The following CALCRL variants were observed in gnomAD, a reference collection of about 807,000 sequenced individuals.
The protein encoded by CALCRL is calcitonin receptor like receptor, also known as calcitonin gene-related peptide type 1 receptor.
A neutral mutation model predicts 60.4 loss-of-function variants in CALCRL; 27 were observed. The ratio of observed to expected loss-of-function variants is 0.45; its 90% CI spans 0.33 to 0.62. CALCRL has a LOEUF of 0.62. Among genes scored for constraint, CALCRL ranks in the 20% least tolerant of loss-of-function variants. CALCRL has a pLI of 0.03. For synonymous variants in CALCRL, 190 were observed against 182.6 expected (o/e 1.04, Z -0.33); for missense variants, 424 against 540.7 (o/e 0.78, Z 2.14).
intron 1 of CALCRL, among the ~76,000 whole-genome samples, chr2:187,425,178 A>G (rs926115382): frequency 4.6e-5 from 7 of 151,920 alleles, no homozygotes; most frequent in Non-Finnish European, 8.8e-5. Context: ...TCAAAGGTCA[A>G]TTCATTTTGG....
intron 1 of CALCRL, among the ~76,000 whole-genome samples, chr2:187,444,342 A>G (rs940391649): frequency 4.6e-5 from 7 of 151,568 alleles, no homozygotes; most frequent in Non-Finnish European, 1.0e-4. Context: ...CCAATACCAT[A>G]GGGGTTATTT....
chr2:187,423,353 G>T (rs1574309003), intron 1 of CALCRL, among the ~76,000 whole-genome samples: 1 of 148,962 alleles, frequency 6.7e-6, no homozygotes, highest in Admixed American at 6.7e-5. Flanking sequence ...AAAGTTACAT[G>T]TATGTATGGT....
intron 12 of CALCRL, among the ~76,000 whole-genome samples, chr2:187,358,217 A>C (rs1284002381): frequency 6.6e-6 from 1 of 151,854 alleles, no homozygotes; most frequent in African/African-American, 2.4e-5. Context: ...TTATCCAAGC[A>C]TAGTAGTGTA....
intron 8 of CALCRL, 89 bp from the exon 9 acceptor site, chr2:187,363,591 C>A: frequency 7.9e-7 from 1 of 1,265,372 alleles, no homozygotes; most frequent in East Asian, 2.6e-5. Flanking sequence ...CAATTCATAG[C>A]AGCTGATCCA....
Position 187,378,945 on chromosome 2 carries a change from A to G in CALCRL, c.495T>C (p.Tyr165=). Residue 165 remains tyrosine, a synonymous_variant, in exon 8 of 15, where the codon TAT becomes TAC. Transcript: ENST00000392370. ...AATATTTTAAATTTACTTACTTGAA[A>G]TAAAAGAATATGCCAAGCGAGATAA... ...SLLISLGIFF[Y]FKSLSCQRIT... 2.5e-6 allele frequency: 4 copies of G among 1,586,620 alleles called. No homozygotes were observed. The highest frequency in any genetic ancestry group is 3.5e-6 in the Non-Finnish European group (4 of 1,158,228).
intron 12 of CALCRL, 78 bp downstream of exon 12, chr2:187,358,985 A>G (rs1288163791): frequency 1.2e-5 from 14 of 1,150,796 alleles, no homozygotes; most frequent in Admixed American, 1.7e-5. Flanking sequence ...GGGACCCTGA[A>G]GGATACCATA....
intron 1 of CALCRL, among the ~76,000 whole-genome samples, chr2:187,389,264 G>C (rs2105798422): frequency 6.6e-6 from 1 of 152,072 alleles, no homozygotes; most frequent in South Asian, 2.1e-4. Context: ...GTAGAGACAG[G>C]GTTTCACCAT....
intron 12 of CALCRL, among the ~76,000 whole-genome samples, chr2:187,353,121 C>T (rs1262707268): frequency 6.6e-6 from 1 of 151,892 alleles, no homozygotes; most frequent in African/African-American, 2.4e-5. Flanking sequence ...TTCTCTTTCT[C>T]TCGCATAATA....
At position 187,383,895 on chromosome 2, in the gene CALCRL, A is replaced by G. The variant is rs537509894; in HGVS notation, c.52-590T>C. On this transcript the variant is annotated intron_variant, in intron 4 of 14. Transcript: ENST00000392370. ...TCAATAATGTTTTTGGACAAGTTATATACTTATTTTCTTCCAATATAGTAG... is the reference window on the plus strand; with the variant it reads ...TCAATAATGTTTTTGGACAAGTTATGTACTTATTTTCTTCCAATATAGTAG... Among the ~76,000 whole-genome samples the G allele has an allele frequency of 3.3e-5, 5 of 152,308 alleles. No individual in the cohort carries two copies. The South Asian group carries it at 6.2e-4, about 19-fold the overall frequency.
At chr2:187,415,581 C>A (rs1689566429) in intron 1 of CALCRL, 1 of 544,314 alleles carries the variant, frequency 1.8e-6, no homozygotes. Context: ...ACCTGACCTG[C>A]CGTCTGGAAA....
chr2:187,435,307 G>A (rs1022603295), intron 1 of CALCRL, among the ~76,000 whole-genome samples: 2 of 152,104 alleles, frequency 1.3e-5, no homozygotes, highest in Admixed American at 6.6e-5. Context: ...GAGCAAGAGA[G>A]GGAGCAGAAA....
At chr2:187,416,169 C>T (rs67285003) in intron 1 of CALCRL, among the ~76,000 whole-genome samples, 44,806 of 152,072 alleles carry the variant, frequency 0.29, 6,849 homozygotes, top group Middle Eastern at 0.41. Flanking sequence ...TTAGTCATTT[C>T]ACAATCTATA....
intron 14 of CALCRL, 23 bp downstream of exon 14, chr2:187,351,897 A>G: frequency 7.1e-7 from 1 of 1,414,186 alleles, no homozygotes. Flanking sequence ...AAATAATAGA[A>G]GGAATAAAAT....
intron 1 of CALCRL, chr2:187,442,095 TATATATATATAC>T (rs1326477905): frequency 4.4e-4 from 46 of 103,618 alleles, no homozygotes; most frequent in African/African-American, 1.9e-3. Flanking sequence ...TATATATATA[TATATATATATAC>T]ATACACACAC....
intron 8 of CALCRL, among the ~76,000 whole-genome samples, chr2:187,377,646 G>A (rs185982345): frequency 6.2e-4 from 95 of 152,210 alleles, no homozygotes; most frequent in Middle Eastern, 3.4e-3. Context: ...CAAACTATGG[G>A]AAAAGTTATA....
rs1686116071 is a variant in CALCRL at position 187,342,126 on chromosome 2, T to C, written c.*4058A>G. On this transcript the variant is annotated 3_prime_UTR_variant, in exon 15 of 15. Coordinates refer to ENST00000392370, the MANE Select transcript of CALCRL (RefSeq NM_005795.6). ...ATGAATTTTAAAAACATAAGTGAAA[T>C]CATTTAGTCACAAAAGGTCACATAC... 6.6e-6 allele frequency among the ~76,000 whole-genome samples: 1 copy of C among 151,806 alleles called. No homozygotes were observed. The highest frequency in any genetic ancestry group is 6.6e-5 in the Admixed American group (1 of 15,216).
Position 187,385,605 on chromosome 2 carries a change from A to T in CALCRL, c.-10T>A, listed in dbSNP as rs748203431. 48 of 1,555,766 alleles carry T rather than the reference A, an allele frequency of 3.1e-5. No individual in the cohort carries two copies. In the East Asian group the frequency reaches 4.1e-4, roughly 13 times the overall value. On this transcript the variant is annotated 5_prime_UTR_variant, in exon 4 of 15. Transcript: ENST00000392370. ...TACACTTTTTCTCCATCATTAAGCC[A>T]AAATGAAATATGCTGTATAACATAA...
At chr2:187,441,516 C>T (rs1022286063) in intron 1 of CALCRL, among the ~76,000 whole-genome samples, 4 of 151,852 alleles carry the variant, frequency 2.6e-5, no homozygotes, top group East Asian at 3.9e-4. Flanking sequence ...TGTTGGCCTT[C>T]GACACCTAGC....
intron 1 of CALCRL, among the ~76,000 whole-genome samples, chr2:187,410,754 G>A (rs776218525): frequency 6.6e-6 from 1 of 152,166 alleles, no homozygotes; most frequent in Non-Finnish European, 1.5e-5. Flanking sequence ...GGTGGGATCA[G>A]GGGATCATGA....
Sources: allele counts gnomAD v4.1 joint callset (sites outside exome capture counted in the v4.1 genomes callset), GRCh38; gene constraint gnomAD v4.1.1; transcripts MANE v1.5; gene names NCBI Gene and HGNC (gene_info 2026-07-23, HGNC 2026-07-21).